The following SMYD3 variants were observed in gnomAD, a reference collection of about 807,000 sequenced individuals.
SMYD3 encodes the protein SET and MYND domain containing 3, also known as histone-lysine N-methyltransferase SMYD3.
In SMYD3, 36 loss-of-function variants were observed where a neutral mutation model predicts 57.7. That is an observed-to-expected ratio of 0.62 (90% CI 0.48 to 0.82). SMYD3 has a LOEUF of 0.82. SMYD3 is among the 40% of genes least tolerant of loss of function. SMYD3 has a pLI of 0.00. For synonymous variants in SMYD3, 211 were observed against 195.0 expected (o/e 1.08, Z -0.68); for missense variants, 515 against 538.8 (o/e 0.96, Z 0.44).
intron 1 of SMYD3, among the ~76,000 whole-genome samples, chr1:246,363,558 T>G (rs939937814): frequency 6.6e-6 from 1 of 152,224 alleles, no homozygotes; most frequent in Admixed American, 6.5e-5. Flanking sequence ...GGGAGACTTT[T>G]CATTTTGTTC....
At chr1:246,142,440 A>C in intron 5 of SMYD3, among the ~76,000 whole-genome samples, 1 of 152,000 alleles carries the variant, frequency 6.6e-6, no homozygotes, top group East Asian at 1.9e-4. Flanking sequence ...ATCCAAATTG[A>C]CAGCGCTAGT....
At chr1:246,453,786 AC>A (rs1302735046) in intron 1 of SMYD3, among the ~76,000 whole-genome samples, 1 of 152,172 alleles carries the variant, frequency 6.6e-6, no homozygotes, top group African/African-American at 2.4e-5. Flanking sequence ...TTTTAGGCCA[AC>A]CCTTAACAAA....
intron 5 of SMYD3, among the ~76,000 whole-genome samples, chr1:246,078,160 A>T (rs983682859): frequency 2.0e-5 from 3 of 151,808 alleles, no homozygotes; most frequent in Non-Finnish European, 4.4e-5. Flanking sequence ...TGCCCCAAAC[A>T]CTCCTTATTG....
At chr1:246,320,374 G>A (rs1416588637) in intron 5 of SMYD3, among the ~76,000 whole-genome samples, 3 of 151,974 alleles carry the variant, frequency 2.0e-5, no homozygotes, top group Admixed American at 1.3e-4. Context: ...CATGCTACCA[G>A]GAGAATTATT....
chr1:246,265,089 G>A (rs535352028), intron 5 of SMYD3, among the ~76,000 whole-genome samples: 4 of 152,254 alleles, frequency 2.6e-5, no homozygotes, highest in East Asian at 1.9e-4. Flanking sequence ...AATTGCTCTT[G>A]CACTGTTCTT....
chr1:245,935,760 T>G (rs773118767), intron 5 of SMYD3, among the ~76,000 whole-genome samples: 1 of 152,216 alleles, frequency 6.6e-6, no homozygotes, highest in Non-Finnish European at 1.5e-5. Context: ...GAGGACAGTA[T>G]GTTAAGTGAA....
intron 1 of SMYD3, among the ~76,000 whole-genome samples, chr1:246,407,477 A>C (rs1402775531): frequency 1.3e-5 from 2 of 152,242 alleles, no homozygotes; most frequent in Non-Finnish European, 2.9e-5. Flanking sequence ...ACATTTATAT[A>C]AAACAATGTC....
intron 1 of SMYD3, among the ~76,000 whole-genome samples, chr1:246,450,917 GTGCCAAC>G (rs1435002004): frequency 3.3e-5 from 5 of 152,166 alleles, no homozygotes; most frequent in African/African-American, 1.2e-4. Flanking sequence ...CTTAATTAAG[GTGCCAAC>G]TGTTCAGTGT....
At chr1:245,826,030 T>TTTTTTTTTTTTTTTTTGAGAC (rs1572449561) in intron 10 of SMYD3, among the ~76,000 whole-genome samples, 1 of 138,330 alleles carries the variant, frequency 7.2e-6, no homozygotes, top group Admixed American at 7.5e-5. Context: ...ATGTTGTATT[T>TTTTTTTTTTTTTTTTTGAGAC]AATTAAATAT....
intron 1 of SMYD3, among the ~76,000 whole-genome samples, chr1:246,381,541 T>C (rs2066385828): frequency 6.6e-6 from 1 of 152,174 alleles, no homozygotes; most frequent in Non-Finnish European, 1.5e-5. Context: ...TCTCATACCA[T>C]GAAGGAAGAC....
chr1:246,188,805 A>G (rs2062687504), intron 5 of SMYD3, among the ~76,000 whole-genome samples: 1 of 151,946 alleles, frequency 6.6e-6, no homozygotes, highest in East Asian at 1.9e-4. Context: ...TACTAAAAAC[A>G]CAAAAAAGAG....
chr1:246,274,877 G>C (rs558722864), intron 5 of SMYD3, among the ~76,000 whole-genome samples: 1 of 152,082 alleles, frequency 6.6e-6, no homozygotes, highest in Non-Finnish European at 1.5e-5. Flanking sequence ...ACCGGGGTCA[G>C]TACCAGGACA....
At chr1:246,386,415 C>T (rs191734225) in intron 1 of SMYD3, among the ~76,000 whole-genome samples, 2 of 152,178 alleles carry the variant, frequency 1.3e-5, no homozygotes, top group East Asian at 3.9e-4. Context: ...TTGTCAGGAA[C>T]CAAAGATTAC....
At chr1:246,224,424 G>A (rs1464834938) in intron 5 of SMYD3, among the ~76,000 whole-genome samples, 1 of 151,932 alleles carries the variant, frequency 6.6e-6, no homozygotes, top group Non-Finnish European at 1.5e-5. Flanking sequence ...GTGGTCAAGG[G>A]GATGTATCCA....
At chr1:246,402,381 T>TTTTTTTTTTTTTTTTTTTGAG (rs1239559421) in intron 1 of SMYD3, among the ~76,000 whole-genome samples, 1 of 151,500 alleles carries the variant, frequency 6.6e-6, no homozygotes, top group Non-Finnish European at 1.5e-5. Flanking sequence ...AACGCCATCT[T>TTTTTTTTTTTTTTTTTTTGAG]AAAGATGATC....
chr1:246,048,530 T>C (rs944289253), intron 5 of SMYD3, among the ~76,000 whole-genome samples: 10 of 152,138 alleles, frequency 6.6e-5, no homozygotes, highest in African/African-American at 2.4e-4. Flanking sequence ...CTACGGAACA[T>C]AATGCACACA....
intron 5 of SMYD3, among the ~76,000 whole-genome samples, chr1:246,068,093 C>A (rs10924482): frequency 0.25 from 38,305 of 151,916 alleles, 6,725 homozygotes; most frequent in East Asian, 0.56. Flanking sequence ...CAGTTAAGGG[C>A]GGTTGAGTCT....
intron 10 of SMYD3, among the ~76,000 whole-genome samples, chr1:245,780,072 G>A (rs1454916448): frequency 2.6e-5 from 4 of 152,184 alleles, no homozygotes; most frequent in African/African-American, 9.7e-5. Flanking sequence ...TACCCTGCTG[G>A]TGGGAGTGTA....
At chr1:245,803,119 A>G (rs1033818473) in intron 10 of SMYD3, among the ~76,000 whole-genome samples, 1 of 152,166 alleles carries the variant, frequency 6.6e-6, no homozygotes, top group African/African-American at 2.4e-5. Flanking sequence ...GATTCACAGG[A>G]CCTAATTTAA....
Sources: gnomAD v4.1 joint callset for allele counts (sites outside exome capture counted in the v4.1 genomes callset) on GRCh38, gnomAD v4.1.1 for gene constraint, MANE v1.5 for transcripts, NCBI Gene and HGNC (gene_info 2026-07-23, HGNC 2026-07-21) for gene names.